Variants in TRIM68 observed in about 807,000 individuals in gnomAD.
TRIM68 encodes the protein tripartite motif containing 68.
TRIM68 carries 36 observed loss-of-function variants against 41.9 expected under a neutral mutation model. The observed-to-expected ratio is 0.86, with a 90% CI of 0.66 to 1.14. The LOEUF (loss-of-function observed/expected upper bound fraction) is 1.14. TRIM68 is among the 50% of genes most tolerant of loss of function. TRIM68 has a pLI of 0.00. For synonymous variants in TRIM68, 225 were observed against 224.6 expected (o/e 1.00, Z -0.02); for missense variants, 632 against 605.1 (o/e 1.04, Z -0.47).
Position 4,600,031 on chromosome 11 carries a change from A to C in TRIM68, c.*245T>G. 1 of 450,232 alleles carries C rather than the reference A, an allele frequency of 2.2e-6. No homozygotes were observed. Among genetic ancestry groups the C allele is most frequent in the East Asian group, 3.4e-5 (1 of 29,728 alleles). 27.9% of individuals were successfully genotyped at this position (450,232 alleles called of 1,614,324 possible). ...TCACCTTAGAACTGCTCTGATCCTC[A>C]CCATCAGCCCTGTCGTGCTTCCCTC... On this transcript the variant is annotated 3_prime_UTR_variant, in exon 7 of 7. Transcript: ENST00000300747.
rs762162869 is a variant in TRIM68, at chr11:4,605,063, A to C, written c.426+16T>G. 8 of 1,610,746 alleles carry C rather than the reference A, an allele frequency of 5.0e-6. No individual in the cohort carries two copies. The highest frequency in any genetic ancestry group is 6.8e-6 in the Non-Finnish European group (8 of 1,177,560). ...GGGCCGGGGTTAGACTGGAGTGGCCAGCTTCCATCTCTCACCTTGTACTCC... is the reference window on the plus strand; with the variant it reads ...GGGCCGGGGTTAGACTGGAGTGGCCCGCTTCCATCTCTCACCTTGTACTCC... On this transcript the variant is annotated intron_variant, in intron 2 of 6. Transcript: ENST00000300747.
rs759930198 is a variant in TRIM68 at position 4,600,295 on chromosome 11, G to A, written c.1439C>T (p.Ser480Phe). ...TNNTAPLAICSLDGED is the reference protein window; with the variant it reads ...TNNTAPLAICFLDGED ...GCTTTCTTAGTCCTCCCCATCCAGG[G>A]AGCAGATGGCCAGAGGAGCAGTGTT... The change falls in exon 7 of 7, where the codon TCC (serine) becomes TTC (phenylalanine). Residue 480 changes from serine (S) to phenylalanine (F), a missense_variant. By Grantham distance (155) the Ser-to-Phe change is radical. Coordinates refer to ENST00000300747, the MANE Select transcript of TRIM68 (RefSeq NM_018073.8). 3.8e-6 allele frequency: 6 copies of A among 1,586,400 alleles called. No individual in the cohort carries two copies. Among genetic ancestry groups the A allele is most frequent in the African/African-American group, 2.7e-5 (2 of 74,256 alleles).
rs1256813782 is a variant in TRIM68, at chr11:4,601,605, T to C, written c.806+59A>G. The C allele has an allele frequency of 2.5e-6, 4 of 1,594,516 alleles. No individual in the cohort carries two copies. The East Asian group carries it at 6.7e-5, about 27-fold the overall frequency. On this transcript the variant is annotated intron_variant, in intron 5 of 6. Transcript: ENST00000300747. ...TGTGCTCCGTCCCTACTTCTGGCTC[T>C]AGTTAGGCCTCACTATCCCCTACAG...
Position 4,605,386 on chromosome 11 carries a change from A to G in TRIM68, c.119T>C (p.Leu40Pro). Residue 40 changes from leucine to proline, a missense_variant, in exon 2 of 7, where the codon CTC becomes CCC. Coordinates refer to ENST00000300747, the MANE Select transcript of TRIM68 (RefSeq NM_018073.8). ...DCGHSFCHSC[L>P]SGLWEIPGES... ...TCCTGGGATCTCCCAGAGTCCAGAG[A>G]GACAGCTGTGGCAGAAGCTGTGGCC... 1 of 1,614,178 alleles carries G rather than the reference A, an allele frequency of 6.2e-7. No homozygotes were observed. The highest frequency in any genetic ancestry group is 8.5e-7 in the Non-Finnish European group (1 of 1,180,024).
Position 4,600,667 on chromosome 11 carries a change from C to T in TRIM68, c.1067G>A (p.Gly356Asp). The change falls in exon 7 of 7, where the codon GGC (glycine) becomes GAC (aspartate). Residue 356 changes from glycine to aspartate, a missense_variant. Transcript: ENST00000300747. ...CACCTCCACCTCCCAGTAGTGCCGG[C>T]CTGAGGAGATGCACTGGCTTCCCAG... ...IVLGSQCISS[G>D]RHYWEVEVGD... The T allele has an allele frequency of 6.2e-7, 1 of 1,614,130 alleles. No homozygotes were observed. Among genetic ancestry groups the T allele is most frequent in the South Asian group, 1.1e-5 (1 of 91,066 alleles).
chr11:4,601,400 G>A, intron 5 of TRIM68: 1 of 593,532 alleles, frequency 1.7e-6, no homozygotes, highest in Non-Finnish European at 3.0e-6. Flanking sequence ...GGAGTCATGG[G>A]CAGTCTTTTA....
chr11:4,605,519 C>A lies in TRIM68; in HGVS notation c.-15G>T. 1 of 1,593,544 alleles carries A rather than the reference C, an allele frequency of 6.3e-7. No homozygotes were observed. The highest frequency in any genetic ancestry group is 8.6e-7 in the Non-Finnish European group (1 of 1,167,336). ...GTGGGATCCATGGTTCCTTCTCACA[C>A]CCTCCTCAGAACATGAATGAAACCA... On this transcript the variant is annotated 5_prime_UTR_variant, in exon 2 of 7. Transcript: ENST00000300747.
At position 4,605,496 on chromosome 11, in the gene TRIM68, G is replaced by A. The variant is rs1564866631; in HGVS notation, c.9C>T (p.Pro3=). Residue 3 remains proline (P), a synonymous_variant, in exon 2 of 7, where the codon CCC becomes CCT. Transcript: ENST00000300747. ...CCACAATGGCTTCCACCAAGGCTGTGGGATCCATGGTTCCTTCTCACACCC... is the reference window on the plus strand; with the variant it reads ...CCACAATGGCTTCCACCAAGGCTGTAGGATCCATGGTTCCTTCTCACACCC... MD[P]TALVEAIVEE... The A allele has an allele frequency of 1.9e-6, 3 of 1,604,640 alleles. No homozygotes were observed. Among genetic ancestry groups the A allele is most frequent in the Non-Finnish European group, 1.7e-6 (2 of 1,173,154 alleles).
In TRIM68 at chr11:4,605,613, G is replaced by C. The variant is rs894492075; in HGVS notation, c.-57-52C>G. 8.3e-6 allele frequency: 9 copies of C among 1,081,498 alleles called. No individual in the cohort carries two copies. The East Asian group carries it at 1.8e-4, about 21-fold the overall frequency. The allele number at this position is 1,081,498 out of a possible 1,614,324, so 67.0% of individuals were successfully genotyped here. A position where few individuals can be genotyped will look rare whatever the true frequency, so the allele number is the denominator to read the frequency against. ...AAGAGAAAAAGGTAACAGAGGAACAGAGAGATCAGTAACAGGAATAATTAA... is the reference window on the plus strand; with the variant it reads ...AAGAGAAAAAGGTAACAGAGGAACACAGAGATCAGTAACAGGAATAATTAA... On this transcript the variant is annotated intron_variant, in intron 1 of 6. Transcript: ENST00000300747.
At chr11:4,602,484 A>G in intron 3 of TRIM68, 72 bp from the exon 4 acceptor site, 1 of 1,567,060 alleles carries the variant, frequency 6.4e-7, no homozygotes, top group African/African-American at 1.3e-5. Flanking sequence ...ACATATGCAT[A>G]CACACATACT....
Position 4,608,144 on chromosome 11 carries a change from G to A in TRIM68, c.-175C>T, listed in dbSNP as rs927027779. On this transcript the variant is annotated 5_prime_UTR_variant, in exon 1 of 7. Transcript: ENST00000300747. ...GCCGTTCCCGGCAGCTCAGCACTTA[G>A]GGCCAGAGAGCGGCAGAGGCCCAGA... The A allele has an allele frequency of 6.6e-6, 1 of 152,500 alleles. No homozygotes were observed. Among genetic ancestry groups the A allele is most frequent in the African/African-American group, 2.4e-5 (1 of 41,478 alleles). 9.4% of individuals were successfully genotyped at this position (152,500 alleles called of 1,614,324 possible).
In TRIM68 at chr11:4,599,999, C is replaced by T; in HGVS notation, c.*277G>A. On this transcript the variant is annotated 3_prime_UTR_variant, in exon 7 of 7. Transcript: ENST00000300747. ...ATGGACAAAGTCCTGATCCTTACCCCAACGAGTCACCTTAGAACTGCTCTG... is the reference window on the plus strand; with the variant it reads ...ATGGACAAAGTCCTGATCCTTACCCTAACGAGTCACCTTAGAACTGCTCTG... 3.0e-6 allele frequency: 1 copy of T among 334,768 alleles called. No individual in the cohort carries two copies. Among genetic ancestry groups the T allele is most frequent in the Non-Finnish European group, 5.5e-6 (1 of 183,278 alleles). 20.7% of individuals were successfully genotyped at this position (334,768 alleles called of 1,614,324 possible).
At chr11:4,600,854 A>G in intron 6 of TRIM68, 28 bp from the exon 7 acceptor site, 1 of 1,601,612 alleles carries the variant, frequency 6.2e-7, no homozygotes, top group Non-Finnish European at 8.5e-7. Context: ...GGTTGGTAAC[A>G]GTGATATAGG....
At chr11:4,606,729 C>T (rs1053145031) in intron 1 of TRIM68, among the ~76,000 whole-genome samples, 2 of 152,222 alleles carry the variant, frequency 1.3e-5, no homozygotes, top group African/African-American at 4.8e-5. Context: ...TCTCATTTTA[C>T]AGATGTTTGG....
Position 4,605,252 on chromosome 11 carries a change from G to C in TRIM68, c.253C>G (p.Leu85Val). 3.7e-6 allele frequency: 6 copies of C among 1,614,256 alleles called. No homozygotes were observed. The highest frequency in any genetic ancestry group is 5.1e-6 in the Non-Finnish European group (6 of 1,180,044). The stretch of plus-strand genomic sequence containing the variant: ...AGCCCCATTCCTGGATGTAGCCTTA[G>C]CAGACGGACTTTTTCTACAACATTG... ...LANVVEKVRL[L>V]RLHPGMGLKG... Residue 85 changes from leucine to valine, a missense_variant, in exon 2 of 7, where the codon CTA (leucine) becomes GTA (valine). Coordinates refer to ENST00000300747, the MANE Select transcript of TRIM68 (RefSeq NM_018073.8).
rs1846455725 is a variant in TRIM68, at chr11:4,600,017, CTG to C, written c.*257_*258del. On this transcript the variant is annotated 3_prime_UTR_variant, in exon 7 of 7. Transcript: ENST00000300747. ...CTTACCCCAACGAGTCACCTTAGAA[CTG>C]CTCTGATCCTCACCATCAGCCCTGT... The C allele has an allele frequency of 2.4e-6, 1 of 415,754 alleles. No individual in the cohort carries two copies. The highest frequency in any genetic ancestry group is 3.9e-5 in the Admixed American group (1 of 25,738). The allele number at this position is 415,754 out of a possible 1,614,324, so 25.8% of individuals were successfully genotyped here.
rs1376636302 is a variant in TRIM68, at chr11:4,599,781, A to G, written c.*495T>C. 1 of 152,990 alleles carries G rather than the reference A, an allele frequency of 6.5e-6. No homozygotes were observed. Among genetic ancestry groups the G allele is most frequent in the Non-Finnish European group, 1.5e-5 (1 of 68,644 alleles). 9.5% of individuals were successfully genotyped at this position (152,990 alleles called of 1,614,324 possible). On this transcript the variant is annotated 3_prime_UTR_variant, in exon 7 of 7. Coordinates refer to ENST00000300747, the MANE Select transcript of TRIM68 (RefSeq NM_018073.8). ...AGAGTCACATAAAGGTTGCTTAGTT[A>G]TAGCAAACCTCAGGGGAAGCATCCT...
chr11:4,603,599 T>A (rs1846526281), intron 2 of TRIM68, among the ~76,000 whole-genome samples: 2 of 152,230 alleles, frequency 1.3e-5, no homozygotes, highest in Non-Finnish European at 2.9e-5. Flanking sequence ...TCCACAAAAG[T>A]ACCTTGGACT....
chr11:4,601,888 T>C (rs2133198350), intron 4 of TRIM68: 1 of 766,980 alleles, frequency 1.3e-6, no homozygotes, highest in Non-Finnish European at 2.1e-6. Flanking sequence ...TCAGGCTCCA[T>C]CTCAAGACTC....
Sources: allele counts gnomAD v4.1 joint callset (sites outside exome capture counted in the v4.1 genomes callset), GRCh38; gene constraint gnomAD v4.1.1; transcripts MANE v1.5; gene names NCBI Gene and HGNC (gene_info 2026-07-23, HGNC 2026-07-21).